Variants in GALNTL6 observed in about 807,000 individuals in gnomAD.
GALNTL6 encodes the protein polypeptide N-acetylgalactosaminyltransferase like 6.
Under a neutral mutation model 73.7 loss-of-function variants are expected in GALNTL6, and 46 were observed. That is an observed-to-expected ratio of 0.62 (90% CI 0.49 to 0.80). The LOEUF (loss-of-function observed/expected upper bound fraction) is 0.80, where lower values mean the gene tolerates loss of function less well. Among genes scored for constraint, GALNTL6 ranks in the 30% least tolerant of loss-of-function variants. GALNTL6 has a pLI of 0.00. For missense variants in GALNTL6, 604 were observed against 755.0 expected, an observed-to-expected ratio of 0.80 and a Z score of 2.34; for synonymous variants, 259 against 263.7, an observed-to-expected ratio of 0.98 and a Z score of 0.17.
At chr4:172,300,499 T>A (rs570610858) in intron 3 of GALNTL6, among the ~76,000 whole-genome samples, 69 of 152,356 alleles carry the variant, frequency 4.5e-4, no homozygotes, top group African/African-American at 1.6e-3. Flanking sequence ...GTTTTTGCAG[T>A]GGCTGGTACC....
intron 11 of GALNTL6, among the ~76,000 whole-genome samples, chr4:173,013,639 C>A (rs1261234703): frequency 7.2e-6 from 1 of 139,176 alleles, no homozygotes; most frequent in Non-Finnish European, 1.5e-5. Flanking sequence ...CACCAGAGGG[C>A]AGCACTAGAC....
chr4:171,831,402 T>C (rs1036533001), intron 2 of GALNTL6, among the ~76,000 whole-genome samples: 4 of 151,994 alleles, frequency 2.6e-5, no homozygotes, highest in Non-Finnish European at 4.4e-5. Flanking sequence ...TAACATTGTG[T>C]TTGGTGAAAT....
At chr4:172,870,170 C>T (rs558055074) in intron 7 of GALNTL6, among the ~76,000 whole-genome samples, 2 of 152,170 alleles carry the variant, frequency 1.3e-5, no homozygotes, top group East Asian at 3.9e-4. Flanking sequence ...ATTTAAGGAT[C>T]ATAAAGAGCC....
intron 3 of GALNTL6, among the ~76,000 whole-genome samples, chr4:172,291,623 G>A (rs1233539690): frequency 6.6e-6 from 1 of 152,002 alleles, no homozygotes; most frequent in Non-Finnish European, 1.5e-5. Flanking sequence ...CTATAAGATT[G>A]ATGTAGTGTT....
At chr4:172,831,120 T>G (rs1456874346) in intron 7 of GALNTL6, among the ~76,000 whole-genome samples, 2 of 122,942 alleles carry the variant, frequency 1.6e-5, no homozygotes, top group Non-Finnish European at 3.1e-5. Flanking sequence ...ATCGCACCAC[T>G]GCACTCCAGC....
At chr4:172,470,213 G>A (rs1732996307) in intron 5 of GALNTL6, among the ~76,000 whole-genome samples, 1 of 152,162 alleles carries the variant, frequency 6.6e-6, no homozygotes, top group Non-Finnish European at 1.5e-5. Flanking sequence ...AACCCTATGA[G>A]AGAGATGGTA....
intron 3 of GALNTL6, among the ~76,000 whole-genome samples, chr4:172,293,869 A>C (rs991239610): frequency 3.1e-4 from 47 of 151,110 alleles, no homozygotes; most frequent in South Asian, 8.3e-4. Context: ...TTATTTATTT[A>C]TTTATTTGTT....
chr4:172,739,595 T>A (rs1736683615), intron 5 of GALNTL6, among the ~76,000 whole-genome samples: 1 of 152,178 alleles, frequency 6.6e-6, no homozygotes, highest in South Asian at 2.1e-4. Flanking sequence ...TTTCCAAAAC[T>A]AATGTATTTA....
intron 3 of GALNTL6, among the ~76,000 whole-genome samples, chr4:172,309,947 A>G (rs1438841707): frequency 6.6e-6 from 1 of 152,140 alleles, no homozygotes; most frequent in Non-Finnish European, 1.5e-5. Context: ...CCAAAAGCAG[A>G]ACACTTGAAA....
At chr4:172,533,427 C>A (rs530266370) in intron 5 of GALNTL6, among the ~76,000 whole-genome samples, 2 of 134,992 alleles carry the variant, frequency 1.5e-5, no homozygotes, top group African/African-American at 2.8e-5. Flanking sequence ...CCAGTTCAAG[C>A]GATTCTTCTG....
chr4:173,024,442 T>C (rs1753146650), intron 12 of GALNTL6, among the ~76,000 whole-genome samples: 1 of 152,238 alleles, frequency 6.6e-6, no homozygotes, highest in Non-Finnish European at 1.5e-5. Flanking sequence ...GACACACCTG[T>C]TTTAGAAAAT....
At chr4:172,794,051 C>T (rs933496591) in intron 5 of GALNTL6, among the ~76,000 whole-genome samples, 5 of 152,240 alleles carry the variant, frequency 3.3e-5, no homozygotes, top group East Asian at 1.9e-4. Context: ...TACTGTAGAA[C>T]AGAAATGCAG....
At chr4:172,081,126 A>C (rs1731867118) in intron 2 of GALNTL6, among the ~76,000 whole-genome samples, 1 of 152,230 alleles carries the variant, frequency 6.6e-6, no homozygotes, top group African/African-American at 2.4e-5. Flanking sequence ...CAGTTACTTG[A>C]GAAAAAATAG....
intron 5 of GALNTL6, among the ~76,000 whole-genome samples, chr4:172,561,905 C>T (rs1199205465): frequency 6.6e-6 from 1 of 151,980 alleles, no homozygotes; most frequent in Non-Finnish European, 1.5e-5. Context: ...TCTCAAGTGC[C>T]CAATTACCAA....
intron 2 of GALNTL6, among the ~76,000 whole-genome samples, chr4:171,851,057 G>A (rs143859031): frequency 5.3e-5 from 8 of 152,250 alleles, no homozygotes; most frequent in South Asian, 4.1e-4. Context: ...GGCATTTCTC[G>A]TAGTGTATAA....
intron 2 of GALNTL6, among the ~76,000 whole-genome samples, chr4:171,992,221 T>C (rs1181850661): frequency 6.6e-6 from 1 of 152,056 alleles, no homozygotes; most frequent in African/African-American, 2.4e-5. Context: ...CAATTCAACT[T>C]GCTGACAAAA....
intron 2 of GALNTL6, among the ~76,000 whole-genome samples, chr4:172,140,844 C>A (rs1381640907): frequency 2.6e-5 from 4 of 151,896 alleles, no homozygotes; most frequent in African/African-American, 9.7e-5. Flanking sequence ...TGTTTTCTAT[C>A]AAGTATCATT....
chr4:172,145,145 T>G (rs1733895252), intron 2 of GALNTL6, among the ~76,000 whole-genome samples: 1 of 151,640 alleles, frequency 6.6e-6, no homozygotes, highest in South Asian at 2.1e-4. Flanking sequence ...TTATTATCAT[T>G]ATTATTATTT....
At chr4:171,851,090 A>T (rs893174105) in intron 2 of GALNTL6, among the ~76,000 whole-genome samples, 1 of 152,226 alleles carries the variant, frequency 6.6e-6, no homozygotes, top group Admixed American at 6.5e-5. Context: ...AAATTGAAGT[A>T]TAAGATAGGA....
Sources: allele counts gnomAD v4.1 joint callset (sites outside exome capture counted in the v4.1 genomes callset), GRCh38; gene constraint gnomAD v4.1.1; transcripts MANE v1.5; gene names NCBI Gene and HGNC (gene_info 2026-07-23, HGNC 2026-07-21).